ATP13A4: variants seen among roughly 807,000 people sequenced by gnomAD.
ATP13A4 encodes the protein probable cation-transporting ATPase 13A4.
Under a neutral mutation model 142.5 loss-of-function variants are expected in ATP13A4, and 114 were observed. The ratio of observed to expected loss-of-function variants is 0.80; its 90% CI spans 0.69 to 0.93. The LOEUF (loss-of-function observed/expected upper bound fraction) is 0.93. ATP13A4 is among the 40% of genes least tolerant of loss of function. ATP13A4 has a pLI of 0.00. For synonymous variants in ATP13A4, 488 were observed against 514.8 expected, an observed-to-expected ratio of 0.95 and a Z score of 0.70; for missense variants, 1,392 against 1,454.0, an observed-to-expected ratio of 0.96 and a Z score of 0.69.
chr3:193,477,971 G>T (rs1719065976), intron 8 of ATP13A4, among the ~76,000 whole-genome samples: 1 of 151,788 alleles, frequency 6.6e-6, no homozygotes. Flanking sequence ...AAATAAATCA[G>T]AAAAAATGTG....
At chr3:193,425,425 G>C (rs1715607722) in intron 25 of ATP13A4, among the ~76,000 whole-genome samples, 1 of 151,704 alleles carries the variant, frequency 6.6e-6, no homozygotes, top group Non-Finnish European at 1.5e-5. Flanking sequence ...GTTTATTGAA[G>C]CCCTATTCAT....
chr3:193,573,301 A>ATATACATATATATATATATGTG (rs1560287360), intron 2 of ATP13A4, among the ~76,000 whole-genome samples: 1 of 78,984 alleles, frequency 1.3e-5, no homozygotes, highest in African/African-American at 5.3e-5. Context: ...ACATATATAT[A>ATATACATATATATATATATGTG]TATATACATA....
Position 193,551,385 on chromosome 3 carries a change from C to A in ATP13A4, c.60+3355G>T, listed in dbSNP as rs77464849. Among the ~76,000 whole-genome samples the A allele has an allele frequency of 4.6e-5, 7 of 152,090 alleles. No homozygotes were observed. In the East Asian group the frequency reaches 1.4e-3, roughly 29 times the overall value. On this transcript the variant is annotated intron_variant, in intron 1 of 29. Coordinates refer to ENST00000342695, the MANE Select transcript of ATP13A4 (RefSeq NM_032279.4). ...CCGAGATCACGCCACTGCACTCCAG[C>A]CTGGCAACAGAGCAAGACTCCGTGT...
chr3:193,403,359 T>C (rs77630960), intron 29 of ATP13A4, among the ~76,000 whole-genome samples: 2,338 of 152,320 alleles, frequency 0.015, 63 homozygotes, highest in African/African-American at 0.053. Flanking sequence ...GTCTTGGAGT[T>C]GAACAGATCT....
chr3:193,542,267 G>C (rs1170512493), intron 1 of ATP13A4, among the ~76,000 whole-genome samples: 2 of 152,152 alleles, frequency 1.3e-5, no homozygotes, highest in African/African-American at 2.4e-5. Context: ...GCTAACAAGG[G>C]AAGTGAAGAA....
chr3:193,406,078 G>A (rs1714476767), intron 29 of ATP13A4, among the ~76,000 whole-genome samples: 1 of 152,158 alleles, frequency 6.6e-6, no homozygotes, highest in Admixed American at 6.6e-5. Context: ...CTGACAACCT[G>A]TTAGAAATGC....
intron 1 of ATP13A4, among the ~76,000 whole-genome samples, chr3:193,526,623 C>T (rs1015488356): frequency 6.6e-6 from 1 of 152,052 alleles, no homozygotes; most frequent in South Asian, 2.1e-4. Flanking sequence ...AGTAAAATAA[C>T]AAAGAATTTT....
chr3:193,565,610 A>G (rs1021516531), intron 2 of ATP13A4, among the ~76,000 whole-genome samples: 1 of 152,072 alleles, frequency 6.6e-6, no homozygotes, highest in African/African-American at 2.4e-5. Context: ...TTAGAAGGAG[A>G]TTTTGAGATT....
At chr3:193,540,316 T>C (rs540410140) in intron 1 of ATP13A4, among the ~76,000 whole-genome samples, 1 of 152,076 alleles carries the variant, frequency 6.6e-6, no homozygotes, top group African/African-American at 2.4e-5. Flanking sequence ...GTCTGTCACA[T>C]AGTTCTTCCT....
chr3:193,421,491 A>G (rs550416938), intron 25 of ATP13A4, among the ~76,000 whole-genome samples: 1 of 150,102 alleles, frequency 6.7e-6, no homozygotes, highest in South Asian at 2.1e-4. Context: ...GATGAAAGTA[A>G]ATATATGGTG....
intron 1 of ATP13A4, among the ~76,000 whole-genome samples, chr3:193,541,927 G>T (rs1390518884): frequency 6.6e-6 from 1 of 152,152 alleles, no homozygotes; most frequent in Non-Finnish European, 1.5e-5. Context: ...TTATCAGAGG[G>T]CTCCTTGTGA....
intron 7 of ATP13A4, among the ~76,000 whole-genome samples, chr3:193,487,344 CA>C (rs879394199): frequency 5.3e-5 from 8 of 152,064 alleles, no homozygotes; most frequent in Non-Finnish European, 1.2e-4. Context: ...CAAAGAAATG[CA>C]AATGGCTTAA....
intron 1 of ATP13A4, among the ~76,000 whole-genome samples, chr3:193,542,378 A>G (rs376730): frequency 0.71 from 108,347 of 152,038 alleles, 38,806 homozygotes; most frequent in African/African-American, 0.76. Flanking sequence ...AATCAATATC[A>G]TGAAAATGGC....
intron 1 of ATP13A4, among the ~76,000 whole-genome samples, chr3:193,522,233 C>T (rs1721761275): frequency 6.6e-6 from 1 of 152,196 alleles, no homozygotes; most frequent in African/African-American, 2.4e-5. Flanking sequence ...GATTGGCCGA[C>T]AGAAAAGCAA....
rs865967452 is a variant in ATP13A4 at position 193,453,753 on chromosome 3, A to G, written c.2027+348T>C. Among the ~76,000 whole-genome samples the G allele has an allele frequency of 2.7e-4, 41 of 152,248 alleles. No homozygotes were observed. In the South Asian group the frequency reaches 5.0e-3, roughly 18 times the overall value. ...AATCCACCAACTATAATTTTTTTTA[A>G]ATGGGGGCATGACCACAATTTCAAA... is the stretch of plus-strand genomic sequence containing the variant. On this transcript the variant is annotated intron_variant, in intron 17 of 29. Coordinates refer to ENST00000342695, the MANE Select transcript of ATP13A4 (RefSeq NM_032279.4).
chr3:193,527,203 A>G (rs1261917368), intron 1 of ATP13A4, among the ~76,000 whole-genome samples: 2 of 152,146 alleles, frequency 1.3e-5, no homozygotes, highest in Non-Finnish European at 2.9e-5. Flanking sequence ...CCCAAATCTC[A>G]TCTAGAATTG....
chr3:193,489,284 C>A (rs989375149), intron 7 of ATP13A4, among the ~76,000 whole-genome samples: 6 of 152,006 alleles, frequency 3.9e-5, no homozygotes, highest in Non-Finnish European at 7.4e-5. Context: ...ATCTAGAAAC[C>A]TGGTGTAGGC....
chr3:193,487,804 C>T (rs1319733357), intron 7 of ATP13A4, among the ~76,000 whole-genome samples: 1 of 152,016 alleles, frequency 6.6e-6, no homozygotes, highest in East Asian at 1.9e-4. Context: ...TATATAGATG[C>T]ATGAAAAGAT....
chr3:193,543,286 G>T (rs1244619940), intron 1 of ATP13A4, among the ~76,000 whole-genome samples: 1 of 152,070 alleles, frequency 6.6e-6, no homozygotes, highest in Non-Finnish European at 1.5e-5. Context: ...TTCATAAATG[G>T]GATCTAATTA....
Sources: allele counts gnomAD v4.1 joint callset (sites outside exome capture counted in the v4.1 genomes callset), GRCh38; gene constraint gnomAD v4.1.1; transcripts MANE v1.5; gene names NCBI Gene and HGNC (gene_info 2026-07-23, HGNC 2026-07-21).